Variants in ZDHHC11B observed in about 807,000 individuals in gnomAD.
ZDHHC11B encodes zDHHC palmitoyltransferase 11B (putative), also known as probable palmitoyltransferase ZDHHC11B.
In ZDHHC11B, 17 loss-of-function variants were observed where a neutral mutation model predicts 42.3. The observed-to-expected ratio is 0.40, with a 90% CI of 0.27 to 0.60. The LOEUF is 0.60. Among genes scored for constraint, ZDHHC11B ranks in the 20% least tolerant of loss-of-function variants. ZDHHC11B has a pLI of 0.41. For synonymous variants in ZDHHC11B, 123 were observed against 193.5 expected (o/e 0.64, Z 3.02); for missense variants, 262 against 463.2 (o/e 0.57, Z 3.99).
rs575423238 is a variant in ZDHHC11B at position 767,392 on chromosome 5, C to T, written c.-1G>A. ...AGGGCTCCCCGGGGCCAACACCTGC[C>T]TCGGCGCACACTGCACGCCTGTCTC... On this transcript the variant is annotated splice_region_variant and 5_prime_UTR_variant, in exon 3 of 14. Coordinates refer to ENST00000508859, the MANE Select transcript of ZDHHC11B (RefSeq NM_001351303.2). 683 of 1,561,188 alleles carry T rather than the reference C, an allele frequency of 4.4e-4. 16 individuals carry two copies. In the African/African-American group the frequency reaches 7.9e-3, roughly 18 times the overall value.
chr5:746,573 G>A (rs1412320859), intron 8 of ZDHHC11B, among the ~76,000 whole-genome samples: 1 of 145,386 alleles, frequency 6.9e-6, no homozygotes, highest in Admixed American at 7.2e-5. Context: ...TCAGAGGACA[G>A]ACCAGGTCAT....
intron 8 of ZDHHC11B, among the ~76,000 whole-genome samples, chr5:747,046 G>T (rs1484887929): frequency 9.4e-6 from 1 of 106,798 alleles, no homozygotes; most frequent in African/African-American, 3.1e-5. Flanking sequence ...GCCTTCATAG[G>T]TGGTAAACCC....
At chr5:777,831 C>T (rs561350374) in intron 1 of ZDHHC11B, among the ~76,000 whole-genome samples, 1 of 148,954 alleles carries the variant, frequency 6.7e-6, no homozygotes, top group Admixed American at 6.7e-5. Context: ...CGCCCGCACT[C>T]CTCAGCCCTT....
chr5:730,503 A>G (rs1315435788), intron 11 of ZDHHC11B, 35 bp from the exon 12 acceptor site: 9 of 1,545,916 alleles, frequency 5.8e-6, no homozygotes, highest in Non-Finnish European at 6.9e-6. Flanking sequence ...TCTTAGGATG[A>G]ACAAAGACCT....
In ZDHHC11B at chr5:749,528, C is replaced by T. The variant is rs1238031369; in HGVS notation, c.629-969G>A. ...CTGGGCCGGGCTGGACCCCATGCTG[C>T]CCCCCTTAGCCAGTGACATCACGAT... On this transcript the variant is annotated intron_variant, in intron 7 of 13. Transcript: ENST00000508859. Among the ~76,000 whole-genome samples the T allele has an allele frequency of 3.9e-5, 5 of 129,780 alleles. No individual in the cohort carries two copies. In the Admixed American group the frequency reaches 4.4e-4, roughly 11 times the overall value. 85.1% of individuals were successfully genotyped at this position (129,780 alleles called of 152,430 possible).
At chr5:770,171 C>T (rs1237397326) in intron 1 of ZDHHC11B, among the ~76,000 whole-genome samples, 1 of 150,448 alleles carries the variant, frequency 6.6e-6, no homozygotes, top group Non-Finnish European at 1.5e-5. Context: ...CCAGCTGAGC[C>T]GGGTGCAGCC....
At chr5:757,290 G>A (rs1733994665) in intron 4 of ZDHHC11B, among the ~76,000 whole-genome samples, 1 of 151,880 alleles carries the variant, frequency 6.6e-6, no homozygotes, top group African/African-American at 2.4e-5. Context: ...GTGTCGCACA[G>A]CGCTGTCCTC....
intron 6 of ZDHHC11B, among the ~76,000 whole-genome samples, chr5:754,216 AACACGTCTC>A (rs1746213930): frequency 1.0e-5 from 1 of 99,166 alleles, no homozygotes; most frequent in Non-Finnish European, 2.2e-5. Flanking sequence ...GCTCAGGGGA[AACACGTCTC>A]ATCTATGAGC....
chr5:777,489 G>C lies in ZDHHC11B; in HGVS notation c.-230+7179C>G, dbSNP rs1736613847. 1.3e-5 allele frequency among the ~76,000 whole-genome samples: 2 copies of C among 151,832 alleles called. 1 individual carries two copies. The highest frequency in any genetic ancestry group is 2.9e-5 in the Non-Finnish European group (2 of 67,918). ...GGCGCGCACCCAGACTGAGCGGCAA[G>C]ATTTATTGCTAAGAGCAAAAGAACA... On this transcript the variant is annotated intron_variant, in intron 1 of 13. Transcript: ENST00000508859.
chr5:712,633 G>A (rs1741454066), intron 13 of ZDHHC11B, among the ~76,000 whole-genome samples: 1 of 149,356 alleles, frequency 6.7e-6, no homozygotes, highest in African/African-American at 2.5e-5. Context: ...TCTTTGGCCA[G>A]GTGTGGTGGC....
chr5:725,014 G>C (rs1278528425), intron 12 of ZDHHC11B, among the ~76,000 whole-genome samples: 1 of 149,710 alleles, frequency 6.7e-6, no homozygotes, highest in African/African-American at 2.5e-5. Flanking sequence ...CCTGTAGATG[G>C]TGAGCCTGTG....
At chr5:777,827 C>T (rs1242845649) in intron 1 of ZDHHC11B, among the ~76,000 whole-genome samples, 1 of 151,974 alleles carries the variant, frequency 6.6e-6, no homozygotes, top group Non-Finnish European at 1.5e-5. Flanking sequence ...CACGCGCCCG[C>T]ACTCCTCAGC....
intron 1 of ZDHHC11B, among the ~76,000 whole-genome samples, chr5:777,908 G>A (rs1736669286): frequency 6.6e-6 from 1 of 151,162 alleles, no homozygotes; most frequent in African/African-American, 2.4e-5. Flanking sequence ...GGGAGCCCGG[G>A]GCGGGGGAGG....
At chr5:762,222 C>G (rs1404107506) in intron 4 of ZDHHC11B, among the ~76,000 whole-genome samples, 1 of 151,680 alleles carries the variant, frequency 6.6e-6, no homozygotes, top group East Asian at 1.9e-4. Flanking sequence ...GCCAGCCACT[C>G]ACAGCCCAGA....
rs573940424 is a variant in ZDHHC11B, at chr5:750,411, C to G, written c.628+722G>C. Among the ~76,000 whole-genome samples, 84 of 144,220 alleles carry G rather than the reference C, an allele frequency of 5.8e-4. 11 individuals are homozygous for G. The South Asian group carries it at 0.02, about 35-fold the overall frequency. 94.6% of individuals were successfully genotyped at this position (144,220 alleles called of 152,430 possible). On this transcript the variant is annotated intron_variant, in intron 7 of 13. Coordinates refer to ENST00000508859, the MANE Select transcript of ZDHHC11B (RefSeq NM_001351303.2). The stretch of plus-strand genomic sequence containing the variant: ...TGTGGCTGTGTGACTCCACCCCTGC[C>G]TCCATCCTCACGAGGCCCCCTCCCC...
intron 4 of ZDHHC11B, among the ~76,000 whole-genome samples, chr5:760,815 C>A (rs1315928680): frequency 2.0e-5 from 3 of 150,962 alleles, no homozygotes; most frequent in East Asian, 1.9e-4. Flanking sequence ...GGGGCAGTGA[C>A]CCGGCCCACC....
intron 13 of ZDHHC11B, 102 bp downstream of exon 13, chr5:716,699 C>G (rs1741775749): frequency 1.4e-6 from 2 of 1,430,940 alleles, no homozygotes; most frequent in East Asian, 2.3e-5. Flanking sequence ...AGCAGCCCAG[C>G]CCTTGAGTTT....
intron 9 of ZDHHC11B, among the ~76,000 whole-genome samples, chr5:744,903 A>T (rs1485285438): frequency 2.7e-5 from 4 of 148,562 alleles, no homozygotes; most frequent in Admixed American, 2.1e-4. Context: ...AGCACATTTC[A>T]ACTTTGGAAG....
chr5:741,330 G>A (rs796774890), intron 10 of ZDHHC11B, among the ~76,000 whole-genome samples: 4 of 149,262 alleles, frequency 2.7e-5, no homozygotes, highest in African/African-American at 4.9e-5. Flanking sequence ...TAAGCGGGTC[G>A]TACTCTTGTG....
Sources: allele counts gnomAD v4.1 joint callset (sites outside exome capture counted in the v4.1 genomes callset), GRCh38; gene constraint gnomAD v4.1.1; transcripts MANE v1.5; gene names NCBI Gene and HGNC (gene_info 2026-07-23, HGNC 2026-07-21).